The following CTNND2 variants were observed in gnomAD, a reference collection of about 807,000 sequenced individuals.
The protein encoded by CTNND2 is catenin delta 2.
Under a neutral mutation model 144.4 loss-of-function variants are expected in CTNND2, and 22 were observed. That is an observed-to-expected ratio of 0.15 (90% CI 0.11 to 0.22). The LOEUF is 0.22. Ranked by LOEUF, CTNND2 falls within the 10% of genes least tolerant of loss-of-function variation. The probability of loss-of-function intolerance (pLI) is 1.00; values close to 1 mark genes in which losing one functional copy is unlikely to be tolerated. For synonymous variants in CTNND2, 751 were observed against 695.6 expected, an observed-to-expected ratio of 1.08 and a Z score of -1.25; for missense variants, 1,353 against 1,618.8, an observed-to-expected ratio of 0.84 and a Z score of 2.82.
At chr5:11,432,061 G>T (rs1419407801) in intron 3 of CTNND2, among the ~76,000 whole-genome samples, 1 of 141,300 alleles carries the variant, frequency 7.1e-6, no homozygotes, top group Non-Finnish European at 1.5e-5. Flanking sequence ...TTATTTAATT[G>T]TTAAATAAAA....
At chr5:11,699,345 T>C (rs1380859726) in intron 2 of CTNND2, among the ~76,000 whole-genome samples, 5 of 152,088 alleles carry the variant, frequency 3.3e-5, no homozygotes, top group Non-Finnish European at 7.3e-5. Context: ...GAATGGCCTA[T>C]TTCTTAGGAC....
intron 2 of CTNND2, among the ~76,000 whole-genome samples, chr5:11,576,822 G>C (rs368539320): frequency 8.9e-4 from 135 of 152,184 alleles, no homozygotes; most frequent in South Asian, 3.5e-3. Context: ...GTAGCTCTTT[G>C]AGAGTTGAAT....
At chr5:11,712,957 A>T (rs1452120742) in intron 2 of CTNND2, among the ~76,000 whole-genome samples, 1 of 152,226 alleles carries the variant, frequency 6.6e-6, no homozygotes, top group Admixed American at 6.5e-5. Context: ...AGTCATTCAT[A>T]GTATCCTAGG....
At chr5:11,249,366 G>A (rs1743336167) in intron 9 of CTNND2, among the ~76,000 whole-genome samples, 1 of 152,196 alleles carries the variant, frequency 6.6e-6, no homozygotes, top group Non-Finnish European at 1.5e-5. Flanking sequence ...ATCAGTAAGA[G>A]GGCGTTGAAT....
chr5:11,239,137 T>C (rs975765063), intron 9 of CTNND2, among the ~76,000 whole-genome samples: 11 of 152,252 alleles, frequency 7.2e-5, no homozygotes, highest in African/African-American at 2.4e-4. Flanking sequence ...TAATAAAGGA[T>C]TCATTTTAAT....
intron 12 of CTNND2, among the ~76,000 whole-genome samples, chr5:11,154,373 G>A (rs933222341): frequency 4.6e-5 from 7 of 152,300 alleles, no homozygotes; most frequent in Non-Finnish European, 8.8e-5. Context: ...TTCTTTGGCC[G>A]AGACAGCCAC....
intron 14 of CTNND2, among the ~76,000 whole-genome samples, chr5:11,102,413 G>T (rs747761373): frequency 5.9e-5 from 9 of 152,182 alleles, no homozygotes; most frequent in Non-Finnish European, 8.8e-5. Flanking sequence ...TATAACCAGA[G>T]TGTTTGAAAA....
chr5:11,643,770 A>C (rs1269529546), intron 2 of CTNND2, among the ~76,000 whole-genome samples: 1 of 152,060 alleles, frequency 6.6e-6, no homozygotes, highest in South Asian at 2.1e-4. Context: ...ATTTTTTCCC[A>C]AAAAAATGCA....
At chr5:11,033,568 T>G (rs28373741) in intron 16 of CTNND2, among the ~76,000 whole-genome samples, 2 of 152,156 alleles carry the variant, frequency 1.3e-5, no homozygotes, top group Admixed American at 6.5e-5. Flanking sequence ...TGGTGGCTCA[T>G]GCCTATAATC....
intron 3 of CTNND2, among the ~76,000 whole-genome samples, chr5:11,434,387 T>A (rs1763574507): frequency 6.6e-6 from 1 of 152,224 alleles, no homozygotes; most frequent in Non-Finnish European, 1.5e-5. Context: ...GAAGACAGCG[T>A]AATATTCTAT....
intron 14 of CTNND2, among the ~76,000 whole-genome samples, chr5:11,109,077 GCTGA>G (rs1208133136): frequency 3.9e-5 from 6 of 152,172 alleles, no homozygotes; most frequent in Non-Finnish European, 5.9e-5. Context: ...CAGATGACAT[GCTGA>G]CTGTTTCATG....
Position 11,486,256 on chromosome 5 carries a change from G to C in CTNND2, c.288-74187C>G, listed in dbSNP as rs1768811487. ...TGATAATATCCAGTAGATCACACTAGGTGATAATATCCAGTAGATCACACT... is the reference window on the plus strand; with the variant it reads ...TGATAATATCCAGTAGATCACACTACGTGATAATATCCAGTAGATCACACT... On this transcript the variant is annotated intron_variant, in intron 3 of 21. Transcript: ENST00000304623. Among the ~76,000 whole-genome samples the C allele has an allele frequency of 2.0e-5, 3 of 152,194 alleles. No homozygotes were observed. The South Asian group carries it at 6.2e-4, about 32-fold the overall frequency.
At chr5:11,316,244 G>A (rs1751459025) in intron 9 of CTNND2, among the ~76,000 whole-genome samples, 1 of 151,872 alleles carries the variant, frequency 6.6e-6, no homozygotes, top group African/African-American at 2.4e-5. Context: ...TTTGTTTTTT[G>A]AGACAGAGTC....
chr5:11,154,500 G>C (rs1758034383), intron 12 of CTNND2, among the ~76,000 whole-genome samples: 1 of 152,192 alleles, frequency 6.6e-6, no homozygotes. Flanking sequence ...GATCTGGGTT[G>C]TTTGTTGAGT....
At chr5:11,522,210 T>C (rs1772794226) in intron 3 of CTNND2, among the ~76,000 whole-genome samples, 1 of 152,244 alleles carries the variant, frequency 6.6e-6, no homozygotes, top group East Asian at 1.9e-4. Context: ...AGAAAGATTG[T>C]AAATTTTCCA....
intron 10 of CTNND2, among the ~76,000 whole-genome samples, chr5:11,231,509 CT>C (rs1195143695): frequency 6.6e-5 from 10 of 152,144 alleles, no homozygotes; most frequent in African/African-American, 2.4e-5. Flanking sequence ...GCAAAGATGA[CT>C]CTTGCTATGC....
chr5:11,282,765 G>C (rs1005172900), intron 9 of CTNND2, among the ~76,000 whole-genome samples: 19 of 152,174 alleles, frequency 1.2e-4, no homozygotes, highest in African/African-American at 4.6e-4. Flanking sequence ...ATGAGTAAGT[G>C]CAATGCTTTT....
chr5:11,235,664 A>G (rs1741546244), intron 10 of CTNND2, among the ~76,000 whole-genome samples: 1 of 152,194 alleles, frequency 6.6e-6, no homozygotes, highest in Non-Finnish European at 1.5e-5. Flanking sequence ...CCAGATATCA[A>G]ATGTACCTTG....
At chr5:11,792,435 A>T (rs2126870870) in intron 1 of CTNND2, among the ~76,000 whole-genome samples, 1 of 152,382 alleles carries the variant, frequency 6.6e-6, no homozygotes, top group South Asian at 2.1e-4. Context: ...ATTTTTAAGT[A>T]ATTCAAAAGT....
Sources: gnomAD v4.1 joint callset for allele counts (sites outside exome capture counted in the v4.1 genomes callset) on GRCh38, gnomAD v4.1.1 for gene constraint, MANE v1.5 for transcripts, NCBI Gene and HGNC (gene_info 2026-07-23, HGNC 2026-07-21) for gene names.